The following CCSER1 variants were observed in gnomAD, a reference collection of about 807,000 sequenced individuals.
CCSER1 encodes the protein serine-rich coiled-coil domain-containing protein 1.
A neutral mutation model predicts 82.0 loss-of-function variants in CCSER1; 41 were observed. The observed-to-expected ratio is 0.50, with a 90% CI of 0.39 to 0.65. The LOEUF is 0.65. CCSER1 is among the 30% of genes least tolerant of loss of function. The pLI is 0.00. For synonymous variants in CCSER1, 414 were observed against 383.9 expected (o/e 1.08, Z -0.92); for missense variants, 1,119 against 1,064.2 (o/e 1.05, Z -0.72).
intron 4 of CCSER1, among the ~76,000 whole-genome samples, chr4:90,412,084 A>G (rs186683383): frequency 6.6e-6 from 1 of 152,122 alleles, no homozygotes; most frequent in Admixed American, 6.5e-5. Flanking sequence ...ACAATGATAG[A>G]CTGGATTAAG....
At chr4:90,132,577 T>A (rs1722989443) in intron 1 of CCSER1, among the ~76,000 whole-genome samples, 1 of 152,178 alleles carries the variant, frequency 6.6e-6, no homozygotes, top group African/African-American at 2.4e-5. Context: ...TTGTTATCAG[T>A]CTACTTTAAA....
chr4:90,204,764 A>G (rs1282285819), intron 1 of CCSER1, among the ~76,000 whole-genome samples: 2 of 152,214 alleles, frequency 1.3e-5, no homozygotes, highest in Non-Finnish European at 2.9e-5. Context: ...ATAGCATTGA[A>G]TCTATAAATT....
rs558397557 is a variant in CCSER1, at chr4:91,398,782, G to GA, written c.2218-199779dup. Among the ~76,000 whole-genome samples the GA allele has an allele frequency of 2.1e-3, 297 of 143,084 alleles. 2 individuals are homozygous for GA. The highest frequency in any genetic ancestry group is 6.7e-3 in the African/African-American group (262 of 39,328). 93.9% of individuals were successfully genotyped at this position (143,084 alleles called of 152,430 possible). A position where few individuals can be genotyped will look rare whatever the true frequency, so the allele number is the denominator to read the frequency against. On this transcript the variant is annotated intron_variant, in intron 10 of 10. Transcript: ENST00000509176. Reference sequence around the variant, plus strand: ...TCATCAAGCCTATTTTACTACCAAGGAAAAAAAAAAAGTCAGCTGATCTAA... The same window carrying GA: ...TCATCAAGCCTATTTTACTACCAAGGAAAAAAAAAAAAGTCAGCTGATCTAA...
At chr4:90,480,816 C>G (rs1245042133) in intron 5 of CCSER1, among the ~76,000 whole-genome samples, 2 of 152,152 alleles carry the variant, frequency 1.3e-5, no homozygotes, top group African/African-American at 4.8e-5. Context: ...TAGCATGATG[C>G]CTCCAGCTTT....
At chr4:90,324,273 TACAGTCCCACCA>T (rs1737709574) in intron 3 of CCSER1, among the ~76,000 whole-genome samples, 1 of 152,082 alleles carries the variant, frequency 6.6e-6, no homozygotes, top group Admixed American at 6.5e-5. Context: ...TGAACTAGCT[TACAGTCCCACCA>T]ACAGTGTCAA....
rs937316721 is a variant in CCSER1 at position 91,602,914 on chromosome 4, C to G, written c.*3857C>G. On this transcript the variant is annotated 3_prime_UTR_variant, in exon 11 of 11. Transcript: ENST00000509176. ...CTTGACTTTATTTAGGCATTATTATCAGATCCTGTTATGTATTTTCATATG... is the reference window on the plus strand; with the variant it reads ...CTTGACTTTATTTAGGCATTATTATGAGATCCTGTTATGTATTTTCATATG... Among the ~76,000 whole-genome samples, 2 of 151,996 alleles carry G rather than the reference C, an allele frequency of 1.3e-5. No homozygotes were observed. The highest frequency in any genetic ancestry group is 2.9e-5 in the Non-Finnish European group (2 of 67,940).
intron 4 of CCSER1, among the ~76,000 whole-genome samples, chr4:90,427,933 G>A (rs1757751915): frequency 6.6e-6 from 1 of 151,730 alleles, no homozygotes. Context: ...TCTGTAAGCA[G>A]CATACCTATG....
intron 5 of CCSER1, among the ~76,000 whole-genome samples, chr4:90,604,590 T>C (rs890519920): frequency 6.6e-6 from 1 of 152,190 alleles, no homozygotes; most frequent in African/African-American, 2.4e-5. Context: ...GCAGGCGAGC[T>C]GCCCGCTTCC....
intron 5 of CCSER1, among the ~76,000 whole-genome samples, chr4:90,554,518 T>C (rs1239359129): frequency 6.6e-6 from 1 of 152,230 alleles, no homozygotes; most frequent in Non-Finnish European, 1.5e-5. Context: ...ATCAATTATA[T>C]ATGAGTACAT....
intron 4 of CCSER1, among the ~76,000 whole-genome samples, chr4:90,425,099 T>A (rs1157859350): frequency 6.6e-6 from 1 of 152,210 alleles, no homozygotes; most frequent in Non-Finnish European, 1.5e-5. Flanking sequence ...GTGCCATCTT[T>A]GTTGTTTTTT....
intron 10 of CCSER1, among the ~76,000 whole-genome samples, chr4:91,149,072 G>A (rs1729857164): frequency 6.6e-6 from 1 of 152,148 alleles, no homozygotes; most frequent in African/African-American, 2.4e-5. Context: ...CTTCCACAAT[G>A]GTTGAACTAG....
chr4:90,419,674 G>T (rs772668637), intron 4 of CCSER1, among the ~76,000 whole-genome samples: 1 of 151,880 alleles, frequency 6.6e-6, no homozygotes, highest in Non-Finnish European at 1.5e-5. Flanking sequence ...AAGTATTGCT[G>T]TATTACAATG....
intron 10 of CCSER1, among the ~76,000 whole-genome samples, chr4:91,282,802 C>G (rs1373693284): frequency 6.6e-6 from 1 of 152,046 alleles, no homozygotes; most frequent in Non-Finnish European, 1.5e-5. Context: ...GTGGATCCAC[C>G]ACTTTAACTA....
chr4:91,173,148 A>G (rs1732942611), intron 10 of CCSER1, among the ~76,000 whole-genome samples: 2 of 152,204 alleles, frequency 1.3e-5, no homozygotes, highest in African/African-American at 4.8e-5. Context: ...TTTAAGAGCT[A>G]TGCTAAGTAA....
At chr4:90,768,961 G>A (rs564501075) in intron 7 of CCSER1, among the ~76,000 whole-genome samples, 29 of 152,236 alleles carry the variant, frequency 1.9e-4, no homozygotes, top group African/African-American at 6.5e-4. Flanking sequence ...TTAAGAAATG[G>A]CTTCAATCAA....
chr4:90,546,640 C>T (rs1776792351), intron 5 of CCSER1, among the ~76,000 whole-genome samples: 1 of 151,994 alleles, frequency 6.6e-6, no homozygotes, highest in South Asian at 2.1e-4. Flanking sequence ...CATTTTAACT[C>T]AGAAAATGAG....
At chr4:91,145,401 C>T (rs1729442865) in intron 10 of CCSER1, among the ~76,000 whole-genome samples, 1 of 152,112 alleles carries the variant, frequency 6.6e-6, no homozygotes, top group African/African-American at 2.4e-5. Flanking sequence ...GTCTTGTTTT[C>T]TTTCCAGCTT....
At chr4:90,421,569 A>T (rs1221590403) in intron 4 of CCSER1, among the ~76,000 whole-genome samples, 2 of 152,206 alleles carry the variant, frequency 1.3e-5, no homozygotes, top group Non-Finnish European at 2.9e-5. Context: ...ACAAGATAGG[A>T]TTTACTGAGA....
intron 7 of CCSER1, among the ~76,000 whole-genome samples, chr4:90,804,251 T>A (rs1215701756): frequency 6.6e-6 from 1 of 152,038 alleles, no homozygotes; most frequent in Non-Finnish European, 1.5e-5. Flanking sequence ...CTTTTTTTGC[T>A]GTTGCTTTTG....
Sources: allele counts gnomAD v4.1 joint callset (sites outside exome capture counted in the v4.1 genomes callset), GRCh38; gene constraint gnomAD v4.1.1; transcripts MANE v1.5; gene names NCBI Gene and HGNC (gene_info 2026-07-23, HGNC 2026-07-21).